GRIA3: variants seen among roughly 807,000 people sequenced by gnomAD.
GRIA3 encodes the protein glutamate receptor 3.
A neutral mutation model predicts 63.0 loss-of-function variants in GRIA3; 3 were observed. The ratio of observed to expected loss-of-function variants is 0.05; its 90% CI spans 0.02 to 0.12. The LOEUF (loss-of-function observed/expected upper bound fraction) is 0.12. GRIA3 is among the 10% of genes least tolerant of loss of function. The probability of loss-of-function intolerance (pLI) is 1.00; values close to 1 mark genes in which losing one functional copy is unlikely to be tolerated. For missense variants in GRIA3, 347 were observed against 700.9 expected, an observed-to-expected ratio of 0.50 and a Z score of 5.70; for synonymous variants, 274 against 257.9, an observed-to-expected ratio of 1.06 and a Z score of -0.60.
chrX:123,221,707 A>G (rs2044219940), intron 2 of GRIA3, among the ~76,000 whole-genome samples: 1 of 111,516 alleles, frequency 9.0e-6, no homozygotes, highest in African/African-American at 3.3e-5. Flanking sequence ...CATCTTACAC[A>G]AAGAAAATGG....
chrX:123,198,177 G>A (rs1174947193), intron 2 of GRIA3, among the ~76,000 whole-genome samples: 2 of 111,967 alleles, frequency 1.8e-5, no homozygotes, highest in Admixed American at 9.5e-5. Context: ...ACATCTCTGA[G>A]TCTAGGCAAT....
rs928614777 is a variant in GRIA3 at position 123,431,771 on chromosome X, C to T, written c.2076+3632C>T. On this transcript the variant is annotated intron_variant, in intron 12 of 15. Coordinates refer to ENST00000620443, the MANE Select transcript of GRIA3 (RefSeq NM_007325.5). ...AAAGTATTAGAAAATAACCAGGATGCTGGATTTCTTTTTTTGTGAAAATTG... is the reference window on the plus strand; with the variant it reads ...AAAGTATTAGAAAATAACCAGGATGTTGGATTTCTTTTTTTGTGAAAATTG... 2.7e-5 allele frequency among the ~76,000 whole-genome samples: 3 copies of T among 111,988 alleles called. No individual in the cohort carries two copies. The South Asian group carries it at 1.1e-3, about 42-fold the overall frequency.
At chrX:123,322,947 T>G (rs181525543) in intron 3 of GRIA3, among the ~76,000 whole-genome samples, 192 of 112,523 alleles carry the variant, frequency 1.7e-3, no homozygotes, top group Non-Finnish European at 2.1e-3. Context: ...ATAAAAAGAT[T>G]TGTAAGTCAG....
At chrX:123,190,384 T>C (rs943372574) in intron 2 of GRIA3, among the ~76,000 whole-genome samples, 12 of 111,106 alleles carry the variant, frequency 1.1e-4, no homozygotes, top group Non-Finnish European at 1.9e-4. Context: ...GTTGCCTTAG[T>C]GGTGCCAGTC....
chrX:123,277,332 T>G (rs1418323923), intron 3 of GRIA3, among the ~76,000 whole-genome samples: 4 of 111,660 alleles, frequency 3.6e-5, no homozygotes, highest in African/African-American at 6.5e-5. Flanking sequence ...GTTGCCCTAT[T>G]GTGCTATCAA....
chrX:123,392,997 T>C (rs2045394776), intron 5 of GRIA3, among the ~76,000 whole-genome samples: 1 of 112,281 alleles, frequency 8.9e-6, no homozygotes, highest in Admixed American at 9.4e-5. Flanking sequence ...ACAGGGGGAA[T>C]AAAATGGGAG....
chrX:123,288,988 T>C (rs2044638864), intron 3 of GRIA3, among the ~76,000 whole-genome samples: 2 of 112,109 alleles, frequency 1.8e-5, no homozygotes. Context: ...ATTGCAGCAC[T>C]ATTCACAATA....
Position 123,303,848 on chromosome X carries a change from C to A in GRIA3, c.509-22178C>A, listed in dbSNP as rs772194016. Among the ~76,000 whole-genome samples the A allele has an allele frequency of 4.6e-4, 51 of 111,253 alleles. No homozygotes were observed. In the South Asian group the frequency reaches 7.6e-3, roughly 17 times the overall value. The stretch of plus-strand genomic sequence containing the variant: ...AGATTCCAAAATAACATTTAAATTT[C>A]TTTTTACAGTAAAATCTCTATCAAA... On this transcript the variant is annotated intron_variant, in intron 3 of 15. Coordinates refer to ENST00000620443, the MANE Select transcript of GRIA3 (RefSeq NM_007325.5).
At chrX:123,195,615 T>C (rs1310993687) in intron 2 of GRIA3, among the ~76,000 whole-genome samples, 4 of 111,521 alleles carry the variant, frequency 3.6e-5, no homozygotes, top group Admixed American at 1.9e-4. Flanking sequence ...AAATTCAATT[T>C]TCTTAAACCA....
intron 12 of GRIA3, among the ~76,000 whole-genome samples, chrX:123,450,098 A>C (rs2045722735): frequency 8.9e-6 from 1 of 112,148 alleles, no homozygotes; most frequent in South Asian, 3.7e-4. Flanking sequence ...GCTTTACATG[A>C]ATTATCTCAT....
chrX:123,452,930 C>T (rs1005938765), intron 12 of GRIA3, among the ~76,000 whole-genome samples: 2 of 111,910 alleles, frequency 1.8e-5, no homozygotes, highest in Non-Finnish European at 3.8e-5. Context: ...GCAACTTTTA[C>T]ACTGTTGGTG....
At chrX:123,447,889 A>G (rs1422725920) in intron 12 of GRIA3, among the ~76,000 whole-genome samples, 1 of 112,215 alleles carries the variant, frequency 8.9e-6, no homozygotes, top group Non-Finnish European at 1.9e-5. Context: ...GAGCTGATAC[A>G]GATAACTATT....
At chrX:123,437,738 T>C (rs1194753324) in intron 12 of GRIA3, among the ~76,000 whole-genome samples, 1 of 111,575 alleles carries the variant, frequency 9.0e-6, no homozygotes, top group Non-Finnish European at 1.9e-5. Context: ...AGGATGACTC[T>C]CAGATTTTGG....
chrX:123,429,522 G>A (rs756239709), intron 12 of GRIA3, among the ~76,000 whole-genome samples: 2 of 111,795 alleles, frequency 1.8e-5, no homozygotes, highest in South Asian at 3.8e-4. Flanking sequence ...TACTATGGCA[G>A]TCCCAGAAGC....
At chrX:123,185,327 T>C (rs1231182457) in intron 1 of GRIA3, among the ~76,000 whole-genome samples, 1 of 111,393 alleles carries the variant, frequency 9.0e-6, no homozygotes, top group African/African-American at 3.3e-5. Flanking sequence ...GCTTCTGTCG[T>C]ATTTACAAGT....
rs539281075 is a variant in GRIA3 at position 123,450,876 on chromosome X, G to A, written c.2077-13989G>A. ...ACACCCTGAATGAAAGGAAGGAGCA[G>A]GCCATGAAAGTATGAGGTGGAGTTG... is the stretch of plus-strand genomic sequence containing the variant. On this transcript the variant is annotated intron_variant, in intron 12 of 15. Coordinates refer to ENST00000620443, the MANE Select transcript of GRIA3 (RefSeq NM_007325.5). Among the ~76,000 whole-genome samples, 9 of 112,011 alleles carry A rather than the reference G, an allele frequency of 8.0e-5. No individual in the cohort carries two copies. In the South Asian group the frequency reaches 3.4e-3, roughly 42 times the overall value.
intron 4 of GRIA3, among the ~76,000 whole-genome samples, chrX:123,350,848 G>T (rs2045089796): frequency 8.9e-6 from 1 of 111,992 alleles, no homozygotes; most frequent in Non-Finnish European, 1.9e-5. Flanking sequence ...TTTTCTTTCA[G>T]ATCCTATATG....
intron 3 of GRIA3, among the ~76,000 whole-genome samples, chrX:123,295,035 T>C (rs1445534137): frequency 1.8e-5 from 2 of 112,197 alleles, no homozygotes; most frequent in African/African-American, 6.5e-5. Flanking sequence ...CAAATGGCTT[T>C]CATTGTTTTA....
intron 2 of GRIA3, among the ~76,000 whole-genome samples, chrX:123,208,004 C>T (rs1927938913): frequency 8.9e-6 from 1 of 112,308 alleles, no homozygotes; most frequent in Non-Finnish European, 1.9e-5. Context: ...CAGCCTTCCT[C>T]CTGCTGCTCA....
Sources: allele counts gnomAD v4.1 joint callset (sites outside exome capture counted in the v4.1 genomes callset), GRCh38; gene constraint gnomAD v4.1.1; transcripts MANE v1.5; gene names NCBI Gene and HGNC (gene_info 2026-07-23, HGNC 2026-07-21).